DIS3L2: variants seen among roughly 807,000 people sequenced by gnomAD.
DIS3L2 encodes the protein DIS3-like exonuclease 2.
DIS3L2 carries 34 observed loss-of-function variants against 97.5 expected under a neutral mutation model. That is an observed-to-expected ratio of 0.35 (90% CI 0.27 to 0.46). The LOEUF (loss-of-function observed/expected upper bound fraction) is 0.46, where lower values mean the gene tolerates loss of function less well. Ranked by LOEUF, DIS3L2 falls within the 20% of genes least tolerant of loss-of-function variation. The pLI, the probability that DIS3L2 is intolerant of heterozygous loss-of-function variation, is 1.00. For synonymous variants in DIS3L2, 435 were observed against 445.2 expected, an observed-to-expected ratio of 0.98 and a Z score of 0.29; for missense variants, 1,038 against 1,146.0, an observed-to-expected ratio of 0.91 and a Z score of 1.36.
chr2:231,969,939 G>A lies in DIS3L2; in HGVS notation c.-94+8174G>A, dbSNP rs115429761. Among the ~76,000 whole-genome samples, 524 of 150,802 alleles carry A rather than the reference G, an allele frequency of 3.5e-3. 3 individuals carry two copies. The highest frequency in any genetic ancestry group is 5.1e-3 in the Non-Finnish European group (344 of 67,754). ...TAAGTGCTTTTTCTGAATCTACTGTGATGATCATATGATTTTTTTTTTTCG... is the reference window on the plus strand; with the variant it reads ...TAAGTGCTTTTTCTGAATCTACTGTAATGATCATATGATTTTTTTTTTTCG... On this transcript the variant is annotated intron_variant, in intron 1 of 20. Transcript: ENST00000325385.
chr2:232,145,632 G>A (rs974643825), intron 8 of DIS3L2, among the ~76,000 whole-genome samples: 2 of 152,230 alleles, frequency 1.3e-5, no homozygotes, highest in South Asian at 4.2e-4. Context: ...ATTTTTTGAT[G>A]TGTTAATAAG....
chr2:232,190,899 C>A (rs1468022605), intron 9 of DIS3L2, among the ~76,000 whole-genome samples: 1 of 152,182 alleles, frequency 6.6e-6, no homozygotes, highest in African/African-American at 2.4e-5. Flanking sequence ...AAAGAAAAGA[C>A]AAAGGCAAAG....
intron 3 of DIS3L2, among the ~76,000 whole-genome samples, chr2:232,016,817 T>G (rs1336977157): frequency 6.6e-6 from 1 of 152,180 alleles, no homozygotes; most frequent in East Asian, 1.9e-4. Flanking sequence ...TCTCTTATTC[T>G]GAGAGCCCAG....
intron 11 of DIS3L2, among the ~76,000 whole-genome samples, chr2:232,241,550 T>A (rs1232061206): frequency 6.6e-6 from 1 of 152,276 alleles, no homozygotes; most frequent in Non-Finnish European, 1.5e-5. Context: ...GTTGAGATTT[T>A]GCTCACAGTA....
intron 1 of DIS3L2, among the ~76,000 whole-genome samples, chr2:231,997,797 G>T (rs867821803): frequency 1.3e-5 from 2 of 151,974 alleles, no homozygotes; most frequent in Middle Eastern, 3.2e-3. Flanking sequence ...CCTCTATTGT[G>T]TTTTTTTGTT....
intron 14 of DIS3L2, chr2:232,307,599 C>T (rs752030188): frequency 1.1e-4 from 16 of 152,010 alleles, no homozygotes; most frequent in South Asian, 2.1e-4. Flanking sequence ...AAGCTGAATT[C>T]GATTGCAAGG....
rs1351717395 is a variant in DIS3L2, at chr2:231,981,629, T to C, written c.-94+19864T>C. Among the ~76,000 whole-genome samples, 2 of 142,602 alleles carry C rather than the reference T, an allele frequency of 1.4e-5. 1 individual carries two copies. Among genetic ancestry groups the C allele is most frequent in the African/African-American group, 5.1e-5 (2 of 39,412 alleles). 93.6% of individuals were successfully genotyped at this position (142,602 alleles called of 152,430 possible). ...ATATATATATATATATATATATATA[T>C]ATATATATGAGACATATTTACATAT... On this transcript the variant is annotated intron_variant, in intron 1 of 20. Coordinates refer to ENST00000325385, the MANE Select transcript of DIS3L2 (RefSeq NM_152383.5).
intron 11 of DIS3L2, among the ~76,000 whole-genome samples, chr2:232,238,918 T>G (rs1693007254): frequency 6.6e-6 from 1 of 152,210 alleles, no homozygotes; most frequent in African/African-American, 2.4e-5. Context: ...GACTAGTTTT[T>G]GTAAGGTTTT....
At chr2:232,039,284 C>T (rs543127154) in intron 5 of DIS3L2, among the ~76,000 whole-genome samples, 5 of 152,102 alleles carry the variant, frequency 3.3e-5, no homozygotes, top group Admixed American at 6.5e-5. Flanking sequence ...GAATCCCTGA[C>T]GTCTAGAATA....
intron 14 of DIS3L2, among the ~76,000 whole-genome samples, chr2:232,306,189 T>G (rs114904907): frequency 0.011 from 1,723 of 152,316 alleles, 31 homozygotes; most frequent in African/African-American, 0.038. Flanking sequence ...CATCTCCATT[T>G]CTCATAGGAG....
chr2:232,133,783 C>T (rs761283177), intron 7 of DIS3L2, among the ~76,000 whole-genome samples: 71 of 151,722 alleles, frequency 4.7e-4, no homozygotes, highest in Non-Finnish European at 9.7e-4. Flanking sequence ...GTCAGGAGTT[C>T]AAGACCAGCC....
chr2:232,297,436 TG>T (rs974245798), intron 13 of DIS3L2, among the ~76,000 whole-genome samples: 48 of 152,262 alleles, frequency 3.2e-4, no homozygotes, highest in East Asian at 3.1e-3. Flanking sequence ...CTATACTTCT[TG>T]GGTCTAGTGG....
chr2:232,181,522 CT>C (rs2106183834), intron 9 of DIS3L2, among the ~76,000 whole-genome samples: 1 of 152,232 alleles, frequency 6.6e-6, no homozygotes, highest in South Asian at 2.1e-4. Flanking sequence ...TCTTTTTATT[CT>C]TTTTTCTCTA....
chr2:232,069,079 A>C (rs554333277), intron 5 of DIS3L2, among the ~76,000 whole-genome samples: 212 of 152,238 alleles, frequency 1.4e-3, no homozygotes, highest in African/African-American at 4.6e-3. Flanking sequence ...AGCCTCCCAA[A>C]GTGCTGGGAT....
At chr2:232,344,129 C>T (rs1239460050) in exon 14 of DIS3L2, 1 of 152,362 alleles carries the variant, frequency 6.6e-6, no homozygotes, top group Non-Finnish European at 1.5e-5. Context: ...GCCGACCTGG[C>T]AGACACTAAA....
Position 232,335,883 on chromosome 2 carries a change from C to T in DIS3L2, c.2496+9C>T, listed in dbSNP as rs573355704. 1.3e-4 allele frequency: 194 copies of T among 1,550,144 alleles called. 2 individuals carry two copies. In the South Asian group the frequency reaches 2.2e-3, roughly 18 times the overall value. On this transcript the variant is annotated intron_variant, in intron 20 of 20. Transcript: ENST00000325385. ...AGGAGCCAGCACAGCAGGTCAGAACCCCTCTGTGTCCCAGCCCCCTAAGTC... is the reference window on the plus strand; with the variant it reads ...AGGAGCCAGCACAGCAGGTCAGAACTCCTCTGTGTCCCAGCCCCCTAAGTC...
intron 5 of DIS3L2, among the ~76,000 whole-genome samples, chr2:232,038,494 G>A (rs1050547251): frequency 2.0e-5 from 3 of 152,176 alleles, no homozygotes; most frequent in African/African-American, 7.2e-5. Context: ...TACAGAAGTG[G>A]ATGAGATTGC....
chr2:232,302,407 GA>G, intron 14 of DIS3L2, among the ~76,000 whole-genome samples: 1 of 151,368 alleles, frequency 6.6e-6, no homozygotes, highest in East Asian at 1.9e-4. Flanking sequence ...AAAAGGAAAA[GA>G]AAAAAGTATG....
chr2:232,337,127 G>A lies in DIS3L2; in HGVS notation c.*497G>A. ...TCAGTTCCAACACGATTCAGAGCTG[G>A]CTGCCTGGCAGATGATTGATACTGG... On this transcript the variant is annotated 3_prime_UTR_variant, in exon 21 of 21. Coordinates refer to ENST00000325385, the MANE Select transcript of DIS3L2 (RefSeq NM_152383.5). 1 of 1,009,050 alleles carries A rather than the reference G, an allele frequency of 9.9e-7. No homozygotes were observed. Among genetic ancestry groups the A allele is most frequent in the Non-Finnish European group, 1.2e-6 (1 of 846,594 alleles). 62.5% of individuals were successfully genotyped at this position (1,009,050 alleles called of 1,614,324 possible). A position where few individuals can be genotyped will look rare whatever the true frequency, so the allele number is the denominator to read the frequency against.
Sources: gnomAD v4.1 joint callset for allele counts (sites outside exome capture counted in the v4.1 genomes callset) on GRCh38, gnomAD v4.1.1 for gene constraint, MANE v1.5 for transcripts, NCBI Gene and HGNC (gene_info 2026-07-23, HGNC 2026-07-21) for gene names.